Variants in FER observed in about 807,000 individuals in gnomAD.
FER encodes tyrosine-protein kinase Fer.
In FER, 63 loss-of-function variants were observed where a neutral mutation model predicts 111.0. The ratio of observed to expected loss-of-function variants is 0.57; its 90% CI spans 0.46 to 0.70. The LOEUF (loss-of-function observed/expected upper bound fraction) is 0.70. Among genes scored for constraint, FER ranks in the 30% least tolerant of loss-of-function variants. FER has a pLI of 0.00. For missense variants in FER, 914 were observed against 954.0 expected (o/e 0.96, Z 0.55); for synonymous variants, 327 against 313.9 (o/e 1.04, Z -0.44).
At chr5:108,923,024 A>G (rs1029667193) in intron 10 of FER, among the ~76,000 whole-genome samples, 1 of 152,166 alleles carries the variant, frequency 6.6e-6, no homozygotes, top group Non-Finnish European at 1.5e-5. Context: ...TGGGCAAGTT[A>G]AACTTTCTGT....
intron 1 of FER, among the ~76,000 whole-genome samples, chr5:108,749,671 A>G (rs2149895674): frequency 6.6e-6 from 1 of 152,180 alleles, no homozygotes; most frequent in African/African-American, 2.4e-5. Context: ...GGTGTCCTCC[A>G]AGAGTCTAAT....
At chr5:108,813,633 T>A (rs1222578159) in intron 3 of FER, among the ~76,000 whole-genome samples, 1 of 152,180 alleles carries the variant, frequency 6.6e-6, no homozygotes, top group Non-Finnish European at 1.5e-5. Flanking sequence ...TAATCTTACT[T>A]TTATTCAATG....
rs559007700 is a variant in FER at position 109,160,374 on chromosome 5, CATCTCCTTTCTCT to C, written c.2049-20370_2049-20358del. Among the ~76,000 whole-genome samples, 172 of 152,304 alleles carry C rather than the reference CATCTCCTTTCTCT, an allele frequency of 1.1e-3. 1 individual carries two copies. In the South Asian group the frequency reaches 0.016, roughly 14 times the overall value. ...CAAACTGGTTCAGTTCATTTTCTCT[CATCTCCTTTCTCT>C]ATTAGTATATCAATAACTTTTCTTG... On this transcript the variant is annotated intron_variant, in intron 17 of 19. Coordinates refer to ENST00000281092, the MANE Select transcript of FER (RefSeq NM_005246.4).
intron 3 of FER, 134 bp from the exon 4 acceptor site, chr5:108,832,636 T>C: frequency 1.8e-6 from 1 of 554,164 alleles, no homozygotes; most frequent in East Asian, 3.5e-5. Context: ...CTTTGAACAG[T>C]TGCCAGAAAC....
At chr5:109,138,819 G>A (rs1009626218) in intron 17 of FER, among the ~76,000 whole-genome samples, 1 of 152,152 alleles carries the variant, frequency 6.6e-6, no homozygotes, top group Non-Finnish European at 1.5e-5. Flanking sequence ...TGCAGTATGA[G>A]TGCCAAGGAA....
At chr5:109,054,685 G>C (rs554831215) in intron 16 of FER, among the ~76,000 whole-genome samples, 1 of 148,764 alleles carries the variant, frequency 6.7e-6, no homozygotes, top group Non-Finnish European at 1.5e-5. Context: ...GGTCCTAAAA[G>C]TTGTTTCTTA....
rs73213598 is a variant in FER, at chr5:109,104,710, T to C, written c.2048+4191T>C. On this transcript the variant is annotated intron_variant, in intron 17 of 19. Coordinates refer to ENST00000281092, the MANE Select transcript of FER (RefSeq NM_005246.4). ...AAAATTTACAAAACCCTAAAAAATG[T>C]ATAATCTCATGAAAATGTATATGAG... Among the ~76,000 whole-genome samples, 1,087 of 152,298 alleles carry C rather than the reference T, an allele frequency of 7.1e-3. 8 individuals are homozygous for C. The highest frequency in any genetic ancestry group is 0.025 in the African/African-American group (1,036 of 41,558).
chr5:108,795,475 G>GA (rs957405175), intron 2 of FER, among the ~76,000 whole-genome samples: 2 of 147,936 alleles, frequency 1.4e-5, no homozygotes, highest in African/African-American at 5.0e-5. Flanking sequence ...GACCCTGTCT[G>GA]AAAAAAAAGA....
chr5:108,781,607 T>C (rs1262728738), intron 2 of FER, among the ~76,000 whole-genome samples: 1 of 152,166 alleles, frequency 6.6e-6, no homozygotes, highest in East Asian at 1.9e-4. Context: ...CAGTAAGGTG[T>C]TGGGGGATAG....
intron 16 of FER, among the ~76,000 whole-genome samples, chr5:109,066,588 TAAAC>T (rs1316071687): frequency 6.6e-6 from 1 of 152,134 alleles, no homozygotes; most frequent in African/African-American, 2.4e-5. Flanking sequence ...CTGATAAAAA[TAAAC>T]CCAGGAGATG....
chr5:109,069,625 G>A (rs1212200574), intron 16 of FER, among the ~76,000 whole-genome samples: 6 of 152,100 alleles, frequency 3.9e-5, no homozygotes, highest in Non-Finnish European at 7.4e-5. Flanking sequence ...TGAAGAGTAG[G>A]TTTTGAGTCC....
chr5:109,195,153 T>C lies in FER; in HGVS notation c.*7578T>C, dbSNP rs1759651328. On this transcript the variant is annotated 3_prime_UTR_variant, in exon 20 of 20. Transcript: ENST00000281092. ...ATAAACTTGCCTGCCTGCTCTTAAA[T>C]GCCAGACAGTTGGAAGCAAATGCCG... The C allele has an allele frequency of 6.6e-6, 1 of 152,204 alleles. No individual in the cohort carries two copies. The highest frequency in any genetic ancestry group is 1.5e-5 in the Non-Finnish European group (1 of 68,042). The allele number at this position is 152,204 out of a possible 1,614,324, so 9.4% of individuals were successfully genotyped here. A position where few individuals can be genotyped will look rare whatever the true frequency, so the allele number is the denominator to read the frequency against.
chr5:108,782,945 G>A (rs1385461442), intron 2 of FER, among the ~76,000 whole-genome samples: 2 of 152,090 alleles, frequency 1.3e-5, no homozygotes, highest in Non-Finnish European at 2.9e-5. Context: ...GTTATTCCTG[G>A]ATTCTCTGTT....
At chr5:108,750,288 A>T (rs1298665745) in intron 1 of FER, among the ~76,000 whole-genome samples, 1 of 152,178 alleles carries the variant, frequency 6.6e-6, no homozygotes, top group Non-Finnish European at 1.5e-5. Flanking sequence ...AAACTATTGC[A>T]AAATCTTTAG....
intron 13 of FER, among the ~76,000 whole-genome samples, chr5:109,009,612 T>TC (rs1765982567): frequency 6.6e-6 from 1 of 152,232 alleles, no homozygotes; most frequent in Non-Finnish European, 1.5e-5. Context: ...CTTTGCGTTT[T>TC]GCTTCTTTCA....
intron 17 of FER, among the ~76,000 whole-genome samples, chr5:109,167,565 A>T (rs569165965): frequency 2.8e-4 from 42 of 152,196 alleles, no homozygotes; most frequent in Non-Finnish European, 5.6e-4. Context: ...GGTCAGATTC[A>T]TTACCATTTG....
intron 13 of FER, among the ~76,000 whole-genome samples, chr5:109,029,941 C>G (rs1189475511): frequency 6.6e-6 from 1 of 152,080 alleles, no homozygotes; most frequent in Non-Finnish European, 1.5e-5. Flanking sequence ...CTCCTTTTAT[C>G]TCAGATTATA....
intron 5 of FER, among the ~76,000 whole-genome samples, chr5:108,837,380 C>G (rs1344151077): frequency 6.6e-6 from 1 of 152,136 alleles, no homozygotes; most frequent in East Asian, 1.9e-4. Context: ...ACAAGGTATC[C>G]CTTGCTAAAT....
At chr5:109,058,724 CTTT>C (rs746184286) in intron 16 of FER, among the ~76,000 whole-genome samples, 29 of 76,234 alleles carry the variant, frequency 3.8e-4, no homozygotes, top group South Asian at 8.9e-4. Context: ...TTCTTTCTTT[CTTT>C]TTTTTTTTTT....
Sources: gnomAD v4.1 joint callset for allele counts (sites outside exome capture counted in the v4.1 genomes callset) on GRCh38, gnomAD v4.1.1 for gene constraint, MANE v1.5 for transcripts, NCBI Gene and HGNC (gene_info 2026-07-23, HGNC 2026-07-21) for gene names.